Variants in JAKMIP1 observed in about 807,000 individuals in gnomAD.
JAKMIP1 encodes janus kinase and microtubule interacting protein 1, also known as janus kinase and microtubule-interacting protein 1.
Under a neutral mutation model 113.0 loss-of-function variants are expected in JAKMIP1, and 33 were observed. The observed-to-expected ratio is 0.29, with a 90% CI of 0.22 to 0.39. The LOEUF is 0.39. Ranked by LOEUF, JAKMIP1 falls within the 10% of genes least tolerant of loss-of-function variation. JAKMIP1 has a pLI of 1.00. For missense variants in JAKMIP1, 813 were observed against 1,080.5 expected, an observed-to-expected ratio of 0.75 and a Z score of 3.47; for synonymous variants, 480 against 459.9, an observed-to-expected ratio of 1.04 and a Z score of -0.56.
In JAKMIP1 at chr4:6,149,490, G is replaced by A. The variant is rs912308250; in HGVS notation, c.-147-36493C>T. ...TCTAGGGATGTGGTCCGAGACCAGC[G>A]AGTAAGAAATACTGAATTTGGGACC... On this transcript the variant is annotated intron_variant, in intron 1 of 20. Coordinates refer to ENST00000409021, the MANE Select transcript of JAKMIP1 (RefSeq NM_001099433.2). Among the ~76,000 whole-genome samples, 5 of 152,258 alleles carry A rather than the reference G, an allele frequency of 3.3e-5. No homozygotes were observed. In the South Asian group the frequency reaches 6.2e-4, roughly 19 times the overall value.
At chr4:6,048,798 T>C in intron 16 of JAKMIP1, 59 bp downstream of exon 16, 2 of 1,438,402 alleles carry the variant, frequency 1.4e-6, no homozygotes, top group South Asian at 1.2e-5. Flanking sequence ...GTACAGTTTC[T>C]TGTATGGTGC....
At position 6,187,289 on chromosome 4, in the gene JAKMIP1, A is replaced by C. The variant is rs1225511223; in HGVS notation, c.-148+12964T>G. Among the ~76,000 whole-genome samples, 1 of 152,204 alleles carries C rather than the reference A, an allele frequency of 6.6e-6. No homozygotes were observed. The highest frequency in any genetic ancestry group is 1.5e-5 in the Non-Finnish European group (1 of 68,040). Reference sequence around the variant, plus strand: ...TTTTTGTTTTAAACTCATTTTGTCTAATATCAGTACAGCCCCTTAGCTTTC... The same window carrying C: ...TTTTTGTTTTAAACTCATTTTGTCTCATATCAGTACAGCCCCTTAGCTTTC... On this transcript the variant is annotated intron_variant, in intron 1 of 20. Transcript: ENST00000409021. This position sits in a 1 kb window ranked among gnomAD's most constrained non-coding sequence, Gnocchi z 4.2.
intron 1 of JAKMIP1, among the ~76,000 whole-genome samples, chr4:6,126,467 TAC>T (rs1717656829): frequency 2.1e-5 from 2 of 95,210 alleles, no homozygotes; most frequent in African/African-American, 9.7e-5. Context: ...CACATGCACA[TAC>T]ACACACCATG....
In JAKMIP1 at chr4:6,156,473, A is replaced by C. The variant is rs1429687832; in HGVS notation, c.-147-43476T>G. ...ATTTAAAAGTTTAAATTAGCTGCCA[A>C]CACAGCTAACAGATTGTTGTGCATT... On this transcript the variant is annotated intron_variant, in intron 1 of 20. Transcript: ENST00000409021. This position sits in a 1 kb window ranked among gnomAD's most constrained non-coding sequence, Gnocchi z 5.0. 6.6e-6 allele frequency among the ~76,000 whole-genome samples: 1 copy of C among 152,252 alleles called. No individual in the cohort carries two copies. Among genetic ancestry groups the C allele is most frequent in the Non-Finnish European group, 1.5e-5 (1 of 68,044 alleles).
chr4:6,074,769 G>T (rs548180746), intron 8 of JAKMIP1, among the ~76,000 whole-genome samples: 2 of 152,158 alleles, frequency 1.3e-5, no homozygotes, highest in African/African-American at 4.8e-5. Context: ...ATACAACAAC[G>T]GTCCCATAAG....
chr4:6,103,689 G>T (rs1362546227), intron 3 of JAKMIP1, among the ~76,000 whole-genome samples: 1 of 152,134 alleles, frequency 6.6e-6, no homozygotes, highest in Non-Finnish European at 1.5e-5. Context: ...GGAGCTTTAG[G>T]ACTACTTAGA....
chr4:6,149,327 C>T (rs1019763828), intron 1 of JAKMIP1, among the ~76,000 whole-genome samples: 1 of 152,180 alleles, frequency 6.6e-6, no homozygotes, highest in African/African-American at 2.4e-5. Context: ...ACACTAAGGG[C>T]TTTCTCCCAG....
In JAKMIP1 at chr4:6,153,564, G is replaced by A. The variant is rs536407840; in HGVS notation, c.-147-40567C>T. On this transcript the variant is annotated intron_variant, in intron 1 of 20. Coordinates refer to ENST00000409021, the MANE Select transcript of JAKMIP1 (RefSeq NM_001099433.2). The surrounding 1 kb of genome is among the most constrained non-coding windows in gnomAD (Gnocchi z 4.9). ...TTAGCTTTCCGGAGGTGTAATTTGCGCTGTAAGAGGGTGCACCTCAGACAG... is the reference window on the plus strand; with the variant it reads ...TTAGCTTTCCGGAGGTGTAATTTGCACTGTAAGAGGGTGCACCTCAGACAG... 3.9e-5 allele frequency among the ~76,000 whole-genome samples: 6 copies of A among 152,300 alleles called. No individual in the cohort carries two copies. In the South Asian group the frequency reaches 8.3e-4, roughly 21 times the overall value.
At chr4:6,152,809 T>TATATATATATATATATATATATAC (rs1491579883) in intron 1 of JAKMIP1, among the ~76,000 whole-genome samples, 1 of 117,666 alleles carries the variant, frequency 8.5e-6, no homozygotes, top group African/African-American at 4.1e-5. Context: ...TATATATATA[T>TATATATATATATATATATATATAC]ACATATATAT....
intron 1 of JAKMIP1, among the ~76,000 whole-genome samples, chr4:6,122,750 A>AG (rs1235487235): frequency 6.6e-6 from 1 of 152,116 alleles, no homozygotes; most frequent in Non-Finnish European, 1.5e-5. Flanking sequence ...GAGGTCAGGG[A>AG]GGGGGATGTG....
Position 6,182,947 on chromosome 4 carries a change from C to T in JAKMIP1, c.-148+17306G>A, listed in dbSNP as rs149753341. On this transcript the variant is annotated intron_variant, in intron 1 of 20. Coordinates refer to ENST00000409021, the MANE Select transcript of JAKMIP1 (RefSeq NM_001099433.2). ...GTCCCTCAAGGTCTGCTCACAGAGA[C>T]TTGGAGGTCAGGCCAGTGCCAGCTC... Among the ~76,000 whole-genome samples the T allele has an allele frequency of 6.2e-3, 939 of 152,328 alleles. 7 individuals carry two copies. Among genetic ancestry groups the T allele is most frequent in the South Asian group, 0.031 (149 of 4,828 alleles).
intron 1 of JAKMIP1, among the ~76,000 whole-genome samples, chr4:6,161,710 C>A (rs541992199): frequency 6.6e-6 from 1 of 152,196 alleles, no homozygotes; most frequent in East Asian, 1.9e-4. Context: ...GTGCTCTGAG[C>A]AGGACTGTGT....
chr4:6,051,532 G>A lies in JAKMIP1; in HGVS notation c.1807-853C>T, dbSNP rs771261759. Among the ~76,000 whole-genome samples, 11 of 151,492 alleles carry A rather than the reference G, an allele frequency of 7.3e-5. No homozygotes were observed. Among genetic ancestry groups the A allele is most frequent in the East Asian group, 5.9e-4 (3 of 5,098 alleles). On this transcript the variant is annotated intron_variant, in intron 13 of 20. Transcript: ENST00000409021. This position sits in a 1 kb window ranked among gnomAD's most constrained non-coding sequence, Gnocchi z 5.0. ...TGGGATTACAGGCGTAAGCCACCTC[G>A]CCCGGCCCCAAAGGCTGACTTTCTG...
rs1238767924 is a variant in JAKMIP1 at position 6,054,205 on chromosome 4, G to A, written c.1708-57C>T. 4 of 1,552,062 alleles carry A rather than the reference G, an allele frequency of 2.6e-6. No individual in the cohort carries two copies. The African/African-American group carries it at 4.1e-5, about 16-fold the overall frequency. ...TGGGTGGGAGCACTGGGGTCCCCTG[G>A]TCACAGGCCACCTGACTGAGTGGCT... is the stretch of plus-strand genomic sequence containing the variant. On this transcript the variant is annotated intron_variant, in intron 12 of 20. Transcript: ENST00000409021.
chr4:6,026,400 G>C, intron 20 of JAKMIP1, 122 bp from the exon 21 acceptor site: 1 of 636,050 alleles, frequency 1.6e-6, no homozygotes, highest in Non-Finnish European at 2.8e-6. Flanking sequence ...CTGAGTTGTT[G>C]GGTTCGGAAA....
chr4:6,046,190 G>A (rs1261883232), intron 16 of JAKMIP1, among the ~76,000 whole-genome samples: 2 of 152,184 alleles, frequency 1.3e-5, no homozygotes, highest in Admixed American at 1.3e-4. Context: ...TAGTGGTCCT[G>A]CCAGGTTCTC....
chr4:6,119,483 G>T (rs1255427853), intron 1 of JAKMIP1, among the ~76,000 whole-genome samples: 1 of 152,072 alleles, frequency 6.6e-6, no homozygotes, highest in Non-Finnish European at 1.5e-5. Flanking sequence ...GGTGGAGGTT[G>T]CGGTGAGCCG....
At position 6,154,635 on chromosome 4, in the gene JAKMIP1, G is replaced by T. The variant is rs1340209776; in HGVS notation, c.-147-41638C>A. Among the ~76,000 whole-genome samples, 2 of 151,714 alleles carry T rather than the reference G, an allele frequency of 1.3e-5. No homozygotes were observed. The highest frequency in any genetic ancestry group is 3.9e-4 in the East Asian group (2 of 5,154). ...GCCCAACACGCACAGCCCACTGCAC[G>T]CAGGGACTGTGCCCAACTCTGCAGC... On this transcript the variant is annotated intron_variant, in intron 1 of 20. Transcript: ENST00000409021. This position sits in a 1 kb window ranked among gnomAD's most constrained non-coding sequence, Gnocchi z 4.2.
At chr4:6,062,160 T>A in intron 10 of JAKMIP1, 152 bp downstream of exon 10, 2 of 770,394 alleles carry the variant, frequency 2.6e-6, no homozygotes, top group East Asian at 5.1e-5. Flanking sequence ...GGATCTAGAA[T>A]GTCACCACAG....
Sources: allele counts gnomAD v4.1 joint callset (sites outside exome capture counted in the v4.1 genomes callset), GRCh38; gene constraint gnomAD v4.1.1; non-coding constraint Gnocchi (gnomAD v3.1); transcripts MANE v1.5; gene names NCBI Gene and HGNC (gene_info 2026-07-23, HGNC 2026-07-21).